Variants in BTAF1 observed in about 807,000 individuals in gnomAD.
BTAF1 encodes B-TFIID TATA-box binding protein associated factor 1, also known as TATA-binding protein-associated factor 172.
BTAF1 carries 38 observed loss-of-function variants against 227.1 expected under a neutral mutation model. The observed-to-expected ratio is 0.17, with a 90% confidence interval of 0.13 to 0.22. BTAF1 has a LOEUF of 0.22. BTAF1 is among the 10% of genes least tolerant of loss of function. The pLI is 1.00. For missense variants in BTAF1, 1,598 were observed against 2,204.0 expected (o/e 0.73, Z 5.51); for synonymous variants, 742 against 751.9 (o/e 0.99, Z 0.21).
intron 25 of BTAF1, among the ~76,000 whole-genome samples, chr10:92,005,512 A>G (rs866809716): frequency 3.3e-5 from 5 of 152,218 alleles, no homozygotes; most frequent in Admixed American, 1.3e-4. Context: ...TTAATGTTCT[A>G]TAGCTTTCAG....
chr10:91,929,038 T>G (rs1337430555), intron 1 of BTAF1, among the ~76,000 whole-genome samples: 1 of 152,124 alleles, frequency 6.6e-6, no homozygotes, highest in African/African-American at 2.4e-5. Context: ...GGTTGCAAAC[T>G]CCTGGGCTCC....
intron 8 of BTAF1, 130 bp from the exon 9 acceptor site, chr10:91,958,935 T>C (rs1448217628): frequency 2.6e-6 from 2 of 762,662 alleles, no homozygotes; most frequent in Non-Finnish European, 2.1e-6. Context: ...GAAAAATACA[T>C]TCTTGTAAAG....
intron 1 of BTAF1, among the ~76,000 whole-genome samples, chr10:91,934,046 A>G (rs1237904983): frequency 1.3e-5 from 2 of 152,184 alleles, no homozygotes; most frequent in Non-Finnish European, 2.9e-5. Context: ...GGTAAAGGCA[A>G]GTGTTTAGAT....
At position 91,923,980 on chromosome 10, in the gene BTAF1, C is replaced by A; in HGVS notation, c.-97C>A. On this transcript the variant is annotated 5_prime_UTR_variant, in exon 1 of 38. Transcript: ENST00000265990. ...CCGCACCGGCCGCTCCCCTGTGCTC[C>A]GCGGCCTGGGCCTGCGCCGCTCAGC... is the stretch of plus-strand genomic sequence containing the variant. 1 of 1,452,928 alleles carries A rather than the reference C, an allele frequency of 6.9e-7. No individual in the cohort carries two copies. The highest frequency in any genetic ancestry group is 2.6e-5 in the Admixed American group (1 of 37,930). 90.0% of individuals were successfully genotyped at this position (1,452,928 alleles called of 1,614,324 possible).
At chr10:92,025,018 A>G (rs1023895625) in intron 35 of BTAF1, 51 bp downstream of exon 35, 4 of 1,494,742 alleles carry the variant, frequency 2.7e-6, no homozygotes, top group Non-Finnish European at 2.7e-6. Context: ...TATTACTTAC[A>G]TAGAAGTTTG....
chr10:91,964,060 G>A lies in BTAF1; in HGVS notation c.1405-17G>A, dbSNP rs1411639649. 3.1e-6 allele frequency: 5 copies of A among 1,610,338 alleles called. No individual in the cohort carries two copies. The highest frequency in any genetic ancestry group is 2.5e-6 in the Non-Finnish European group (3 of 1,179,216). ...TTGTGCAAAATTGATAACTTTTCTT[G>A]AAAACTGATCTTATAGGTGCCCTTC... On this transcript the variant is annotated splice_polypyrimidine_tract_variant and intron_variant, in intron 12 of 37. Coordinates refer to ENST00000265990, the MANE Select transcript of BTAF1 (RefSeq NM_003972.3).
At chr10:92,008,720 G>A (rs1850110007) in intron 26 of BTAF1, 109 bp from the exon 27 acceptor site, 5 of 1,034,216 alleles carry the variant, frequency 4.8e-6, no homozygotes, top group Non-Finnish European at 1.4e-6. Flanking sequence ...TTTCTCTTTT[G>A]CATATAGAAA....
At chr10:91,938,027 TTTA>T (rs1246809135) in intron 2 of BTAF1, among the ~76,000 whole-genome samples, 5 of 152,214 alleles carry the variant, frequency 3.3e-5, no homozygotes, top group African/African-American at 1.2e-4. Flanking sequence ...GGCATATGTA[TTTA>T]TTATTCATTT....
chr10:91,926,866 A>C (rs1021418564), intron 1 of BTAF1, among the ~76,000 whole-genome samples: 3 of 152,176 alleles, frequency 2.0e-5, no homozygotes, highest in East Asian at 3.9e-4. Context: ...TAATCTTTCT[A>C]ATTAATACCT....
chr10:91,963,501 CAA>C (rs1216776077), intron 12 of BTAF1, among the ~76,000 whole-genome samples: 1 of 151,986 alleles, frequency 6.6e-6, no homozygotes, highest in African/African-American at 2.4e-5. Context: ...CTCCTAAGCT[CAA>C]GAGATCTTCC....
intron 4 of BTAF1, among the ~76,000 whole-genome samples, chr10:91,944,801 T>C (rs1845248350): frequency 6.6e-6 from 1 of 152,230 alleles, no homozygotes; most frequent in Non-Finnish European, 1.5e-5. Flanking sequence ...ATTTTATATT[T>C]GGTCACATAC....
intron 32 of BTAF1, among the ~76,000 whole-genome samples, chr10:92,015,008 T>C (rs1589975685): frequency 1.3e-5 from 2 of 152,308 alleles, no homozygotes; most frequent in East Asian, 3.9e-4. Context: ...TGTAGTCCAT[T>C]GTTGACCTCA....
chr10:92,014,008 T>C lies in BTAF1; in HGVS notation c.4563T>C (p.Tyr1521=), dbSNP rs1236463702. The C allele has an allele frequency of 1.2e-6, 2 of 1,612,880 alleles. No homozygotes were observed. The highest frequency in any genetic ancestry group is 2.7e-5 in the African/African-American group (2 of 74,886). ...CACCTAAAATTATTCAAGACTATTA[T>C]TGTACTCTTAGTCCTCTCCAGGTTA... ...DLPPKIIQDY[Y]CTLSPLQVQL... Residue 1521 remains tyrosine, a synonymous_variant, in exon 32 of 38, where the codon TAT becomes TAC. Transcript: ENST00000265990.
intron 4 of BTAF1, among the ~76,000 whole-genome samples, chr10:91,950,221 A>G (rs1410760938): frequency 1.3e-5 from 2 of 150,356 alleles, no homozygotes; most frequent in Non-Finnish European, 3.0e-5. Flanking sequence ...TACTGGCTCT[A>G]TCTTCAGGCT....
Position 91,943,186 on chromosome 10 carries a change from C to T in BTAF1, c.400+618C>T, listed in dbSNP as rs569284363. 1.5e-4 allele frequency among the ~76,000 whole-genome samples: 23 copies of T among 152,078 alleles called. No homozygotes were observed. In the East Asian group the frequency reaches 1.7e-3, roughly 12 times the overall value. On this transcript the variant is annotated intron_variant, in intron 4 of 37. Coordinates refer to ENST00000265990, the MANE Select transcript of BTAF1 (RefSeq NM_003972.3). Reference sequence around the variant, plus strand: ...AAAATTAGCCGGGCATGGTGGCGAGCGCCTGTAATGCCAGCTACCCGTGAG... The same window carrying T: ...AAAATTAGCCGGGCATGGTGGCGAGTGCCTGTAATGCCAGCTACCCGTGAG...
intron 6 of BTAF1, 76 bp from the exon 7 acceptor site, chr10:91,956,450 TTA>T (rs1230315953): frequency 7.1e-7 from 1 of 1,404,104 alleles, no homozygotes; most frequent in Non-Finnish European, 9.6e-7. Context: ...GTGATTCACA[TTA>T]TCTTTTATTC....
At chr10:91,925,096 C>T (rs538622677) in intron 1 of BTAF1, among the ~76,000 whole-genome samples, 13 of 152,184 alleles carry the variant, frequency 8.5e-5, no homozygotes, top group Non-Finnish European at 1.6e-4. Context: ...CCATTCCTTA[C>T]AGACTCCCTA....
rs1368847659 is a variant in BTAF1, at chr10:92,008,153, G to C, written c.3691G>C (p.Ala1231Pro). 8 of 1,593,302 alleles carry C rather than the reference G, an allele frequency of 5.0e-6. No homozygotes were observed. The highest frequency in any genetic ancestry group is 6.8e-6 in the Non-Finnish European group (8 of 1,175,440). Residue 1231 changes from alanine (A) to proline (P), a missense_variant, in exon 26 of 38, where the codon GCA (alanine) becomes CCA (proline). Physicochemically the swap from Ala to Pro is conservative, Grantham distance 27. This residue lies in a region of BTAF1 where 425 missense variants were observed against 491.2 expected (regional missense o/e 0.87). Transcript: ENST00000265990. ...CATTCCAGACCCTCCAAACATGTCAGCAGAATTAATCCAATTGAAAGCCAA... is the reference window on the plus strand; with the variant it reads ...CATTCCAGACCCTCCAAACATGTCACCAGAATTAATCCAATTGAAAGCCAA... ...AGIPDPPNMS[A>P]ELIQLKAKER... is the part of the protein sequence containing the mutation.
At chr10:91,960,182 G>A in intron 11 of BTAF1, 28 bp downstream of exon 11, 2 of 1,602,724 alleles carry the variant, frequency 1.2e-6, no homozygotes, top group Non-Finnish European at 8.5e-7. Flanking sequence ...TGAAGCTTAT[G>A]TGGGAGAGTT....
Sources: gnomAD v4.1 joint callset for allele counts (sites outside exome capture counted in the v4.1 genomes callset) on GRCh38, gnomAD v4.1.1 for gene constraint, gnomAD v4.1.1 regional missense constraint, MANE v1.5 for transcripts, NCBI Gene and HGNC (gene_info 2026-07-23, HGNC 2026-07-21) for gene names.